The following SYN3 variants were observed in gnomAD, a reference collection of about 807,000 sequenced individuals.
SYN3 encodes synapsin-3.
SYN3 carries 35 observed loss-of-function variants against 65.8 expected under a neutral mutation model. The observed-to-expected ratio is 0.53, with a 90% CI of 0.41 to 0.70. SYN3 has a LOEUF of 0.70. Among genes scored for constraint, SYN3 ranks in the 30% least tolerant of loss-of-function variants. SYN3 has a pLI of 0.00. For synonymous variants in SYN3, 270 were observed against 292.9 expected (o/e 0.92, Z 0.80); for missense variants, 680 against 749.0 (o/e 0.91, Z 1.08).
chr22:32,649,564 A>T (rs892415471), intron 6 of SYN3, among the ~76,000 whole-genome samples: 19 of 152,196 alleles, frequency 1.2e-4, no homozygotes, highest in African/African-American at 4.6e-4. Context: ...CAACTCCCAG[A>T]ACATGCTCTT....
At chr22:32,888,673 C>A (rs554051339) in intron 4 of SYN3, among the ~76,000 whole-genome samples, 47 of 152,270 alleles carry the variant, frequency 3.1e-4, no homozygotes, top group African/African-American at 1.1e-3. Flanking sequence ...TGGAAGACTT[C>A]ATGGGCAGGA....
intron 3 of SYN3, among the ~76,000 whole-genome samples, chr22:32,970,916 C>A (rs1395840976): frequency 2.0e-5 from 3 of 152,202 alleles, no homozygotes; most frequent in Non-Finnish European, 4.4e-5. Context: ...AGAACTAAGA[C>A]CTTGGAGTTA....
At chr22:32,779,506 G>T (rs1365056448) in intron 6 of SYN3, among the ~76,000 whole-genome samples, 1 of 152,126 alleles carries the variant, frequency 6.6e-6, no homozygotes, top group Non-Finnish European at 1.5e-5. Flanking sequence ...CCATACAAGA[G>T]ACATCACTAG....
At chr22:32,858,024 C>G (rs1601557326) in intron 6 of SYN3, 1 of 1,614,066 alleles carries the variant, frequency 6.2e-7, no homozygotes. Flanking sequence ...TAGGTCGCGT[C>G]TATGATGGCA....
chr22:33,004,344 G>A (rs988129788), intron 2 of SYN3, among the ~76,000 whole-genome samples: 1 of 152,250 alleles, frequency 6.6e-6, no homozygotes, highest in African/African-American at 2.4e-5. Context: ...TCAGCTGGGA[G>A]GGGAAGCTGT....
intron 6 of SYN3, chr22:32,783,038 T>C (rs879887376): frequency 1.3e-5 from 2 of 152,210 alleles, no homozygotes; most frequent in Non-Finnish European, 2.9e-5. Flanking sequence ...GGTATGGGAA[T>C]TGAAGATCTG....
chr22:32,810,250 A>G (rs890613288), intron 6 of SYN3, among the ~76,000 whole-genome samples: 1 of 152,178 alleles, frequency 6.6e-6, no homozygotes, highest in Non-Finnish European at 1.5e-5. Flanking sequence ...TTCCTGACCC[A>G]TTTAGAGGCC....
intron 6 of SYN3, among the ~76,000 whole-genome samples, chr22:32,813,472 A>G (rs1412147467): frequency 1.4e-5 from 2 of 141,636 alleles, no homozygotes; most frequent in South Asian, 2.3e-4. Flanking sequence ...TTAATGTAAC[A>G]TCTTCTGAAA....
At chr22:32,683,363 G>C (rs1332895391) in intron 6 of SYN3, among the ~76,000 whole-genome samples, 2 of 152,042 alleles carry the variant, frequency 1.3e-5, no homozygotes, top group African/African-American at 4.8e-5. Context: ...CTCCTCTCTA[G>C]GCTTCCATGG....
intron 6 of SYN3, among the ~76,000 whole-genome samples, chr22:32,632,869 G>A (rs768593154): frequency 2.6e-5 from 4 of 152,212 alleles, no homozygotes; most frequent in Admixed American, 2.6e-4. Context: ...GGGGACCGCC[G>A]TGGATGTCTT....
At chr22:32,571,332 G>C (rs969274553) in intron 7 of SYN3, among the ~76,000 whole-genome samples, 1 of 152,076 alleles carries the variant, frequency 6.6e-6, no homozygotes, top group African/African-American at 2.4e-5. Context: ...CTGGCCCTGG[G>C]TTGCTCTGGG....
At chr22:32,571,216 C>T (rs1273096674) in intron 7 of SYN3, among the ~76,000 whole-genome samples, 2 of 152,098 alleles carry the variant, frequency 1.3e-5, no homozygotes, top group Non-Finnish European at 2.9e-5. Flanking sequence ...GAGCATCCCC[C>T]CTCCCCTTCT....
chr22:32,661,346 T>C (rs1394671177), intron 6 of SYN3, among the ~76,000 whole-genome samples: 1 of 152,222 alleles, frequency 6.6e-6, no homozygotes, highest in Non-Finnish European at 1.5e-5. Flanking sequence ...ATTCCAGCCC[T>C]GGCCAAAGTC....
intron 13 of SYN3, among the ~76,000 whole-genome samples, 194 bp downstream of exon 13, chr22:32,517,849 T>C (rs1462795800): frequency 2.0e-5 from 3 of 152,064 alleles, no homozygotes; most frequent in Non-Finnish European, 4.4e-5. Context: ...GTCACGGTGG[T>C]GTCTAATCTA....
At chr22:33,041,106 A>G (rs1476763381) in intron 1 of SYN3, among the ~76,000 whole-genome samples, 6 of 151,206 alleles carry the variant, frequency 4.0e-5, no homozygotes, top group Middle Eastern at 3.2e-3. Context: ...TTTAGTAGAG[A>G]TGGGTTTTCA....
chr22:32,903,528 G>A (rs2049820961), intron 4 of SYN3, among the ~76,000 whole-genome samples: 1 of 152,278 alleles, frequency 6.6e-6, no homozygotes, highest in Non-Finnish European at 1.5e-5. Flanking sequence ...GGGGGAGGGG[G>A]CTTGGGAAAA....
chr22:32,946,169 T>C (rs1363186524), intron 3 of SYN3, among the ~76,000 whole-genome samples: 1 of 152,220 alleles, frequency 6.6e-6, no homozygotes, highest in Non-Finnish European at 1.5e-5. Flanking sequence ...AAATACCGTT[T>C]GACCCAGCCA....
At chr22:32,679,839 C>CTTTTTTTTGTTTTTTTTTTTT (rs2060497748) in intron 6 of SYN3, among the ~76,000 whole-genome samples, 1 of 39,150 alleles carries the variant, frequency 2.6e-5, no homozygotes, top group Non-Finnish European at 4.6e-5. Flanking sequence ...TGTTTTTTGG[C>CTTTTTTTTGTTTTTTTTTTTT]TTTTTTTTTT....
At chr22:32,673,138 C>G (rs1468936628) in intron 6 of SYN3, among the ~76,000 whole-genome samples, 1 of 152,104 alleles carries the variant, frequency 6.6e-6, no homozygotes, top group African/African-American at 2.4e-5. Flanking sequence ...GTAGGTTCAG[C>G]AGGATGAAGT....
Sources: allele counts gnomAD v4.1 joint callset (sites outside exome capture counted in the v4.1 genomes callset), GRCh38; gene constraint gnomAD v4.1.1; transcripts MANE v1.5; gene names NCBI Gene and HGNC (gene_info 2026-07-23, HGNC 2026-07-21).